UCHL5: variants seen among roughly 807,000 people sequenced by gnomAD.
UCHL5 encodes the protein ubiquitin carboxyl-terminal hydrolase isozyme L5.
In UCHL5, 34 loss-of-function variants were observed where a neutral mutation model predicts 53.8. That is an observed-to-expected ratio of 0.63 (90% confidence interval 0.48 to 0.84). The LOEUF (loss-of-function observed/expected upper bound fraction) is 0.84, where lower values mean the gene tolerates loss of function less well. Ranked by LOEUF, UCHL5 falls within the 40% of genes least tolerant of loss-of-function variation. The probability of loss-of-function intolerance (pLI) is 0.00; values close to 1 mark genes in which losing one functional copy is unlikely to be tolerated. For synonymous variants in UCHL5, 111 were observed against 126.3 expected, an observed-to-expected ratio of 0.88 and a Z score of 0.81; for missense variants, 290 against 385.6, an observed-to-expected ratio of 0.75 and a Z score of 2.08.
chr1:193,020,188 T>C lies in UCHL5; in HGVS notation c.942+909A>G, dbSNP rs144558488. 1.4e-3 allele frequency: 1,919 copies of C among 1,370,264 alleles called. 4 individuals carry two copies. Among genetic ancestry groups the C allele is most frequent in the Non-Finnish European group, 1.6e-3 (1,710 of 1,054,192 alleles). The allele number at this position is 1,370,264 out of a possible 1,614,324, so 84.9% of individuals were successfully genotyped here. A position where few individuals can be genotyped will look rare whatever the true frequency, so the allele number is the denominator to read the frequency against. ...ACATGTTTCAATCAATAAGGTAATA[T>C]ACACAAAAAACTTATTAGCTCACAT... On this transcript the variant is annotated intron_variant, in intron 10 of 10. Transcript: ENST00000367454.
intron 9 of UCHL5, among the ~76,000 whole-genome samples, chr1:193,022,306 G>C (rs2102325010): frequency 6.6e-6 from 1 of 152,090 alleles, no homozygotes; most frequent in East Asian, 1.9e-4. Context: ...TGACACTGTG[G>C]GGAGCAACAA....
chr1:193,027,653 C>T (rs1659803933), intron 7 of UCHL5, among the ~76,000 whole-genome samples: 1 of 151,980 alleles, frequency 6.6e-6, no homozygotes, highest in South Asian at 2.1e-4. Flanking sequence ...CCACTGCACT[C>T]CAGCCTGGGC....
chr1:193,033,532 A>T (rs1195978033), intron 3 of UCHL5, among the ~76,000 whole-genome samples: 3 of 151,954 alleles, frequency 2.0e-5, no homozygotes, highest in African/African-American at 7.2e-5. Context: ...ATATATATAT[A>T]TTAAGTTAAA....
intron 3 of UCHL5, among the ~76,000 whole-genome samples, chr1:193,044,866 T>C (rs1443759434): frequency 3.3e-5 from 5 of 152,180 alleles, no homozygotes; most frequent in South Asian, 2.1e-4. Flanking sequence ...TGGGGAATTA[T>C]TGACCTGTCA....
rs762461951 is a variant in UCHL5, at chr1:193,016,410, T to C, written c.943-15A>G. The C allele has an allele frequency of 1.2e-5, 20 of 1,601,296 alleles. No homozygotes were observed. The African/African-American group carries it at 2.3e-4, about 18-fold the overall frequency. ...TTTTCTTTTGCCTAAAAATTAAAAA[T>C]AGTATGTTACAAAATTTTAAAAGTC... is the stretch of plus-strand genomic sequence containing the variant. On this transcript the variant is annotated splice_polypyrimidine_tract_variant and intron_variant, in intron 10 of 10. Transcript: ENST00000367454.
chr1:193,028,037 T>A (rs200553381), intron 7 of UCHL5, 48 bp downstream of exon 7: 122 of 1,583,376 alleles, frequency 7.7e-5, no homozygotes, highest in Non-Finnish European at 1.0e-4. Context: ...GTTTAAAAAA[T>A]ACTTAAAAAA....
intron 3 of UCHL5, among the ~76,000 whole-genome samples, chr1:193,048,706 TGAA>T (rs1436893024): frequency 6.6e-6 from 1 of 152,162 alleles, no homozygotes; most frequent in Non-Finnish European, 1.5e-5. Flanking sequence ...ACAGACTGAA[TGAA>T]GAAGCAGATA....
At chr1:193,043,175 A>AAC in intron 3 of UCHL5, among the ~76,000 whole-genome samples, 3 of 147,918 alleles carry the variant, frequency 2.0e-5, no homozygotes, top group African/African-American at 7.5e-5. Flanking sequence ...AAAAAAAAAA[A>AAC]ACCACCTATT....
chr1:193,059,846 T>TCCTC, upstream of UCHL5: 1 of 1,362,228 alleles, frequency 7.3e-7, no homozygotes, highest in South Asian at 1.1e-5. This position sits in a 1 kb window ranked among gnomAD's most constrained non-coding sequence, Gnocchi z 4.9. Context: ...TTCTGACCAG[T>TCCTC]CCTCCATGTC....
Position 193,059,283 on chromosome 1 carries a change from G to GAT in UCHL5, c.-25_-24dup. 6.2e-7 allele frequency: 1 copy of GAT among 1,613,344 alleles called. No individual in the cohort carries two copies. On this transcript the variant is annotated 5_prime_UTR_variant, in exon 1 of 11. Coordinates refer to ENST00000367454, the MANE Select transcript of UCHL5 (RefSeq NM_001199261.3). This position sits in a 1 kb window ranked among gnomAD's most constrained non-coding sequence, Gnocchi z 4.9. Reference sequence around the variant, plus strand: ...CATGGCCCTGGCCACACACCGCCCCGATCCACCTCTCGCTCTCAGCTGCCC... The same window carrying GAT: ...CATGGCCCTGGCCACACACCGCCCCGATATCCACCTCTCGCTCTCAGCTGCCC...
chr1:193,023,951 A>G lies in UCHL5; in HGVS notation c.630-5T>C. ...CGAATTTCACCTTCACTGTACCTAGAAGAAAATTATTTAAGTTTATAATGT... is the reference window on the plus strand; with the variant it reads ...CGAATTTCACCTTCACTGTACCTAGGAGAAAATTATTTAAGTTTATAATGT... On this transcript the variant is annotated splice_region_variant and splice_polypyrimidine_tract_variant and intron_variant, in intron 7 of 10. Transcript: ENST00000367454. The G allele has an allele frequency of 6.4e-7, 1 of 1,573,784 alleles. No homozygotes were observed. The highest frequency in any genetic ancestry group is 8.7e-7 in the Non-Finnish European group (1 of 1,150,882).
chr1:193,025,225 A>G (rs1348338018), intron 7 of UCHL5, among the ~76,000 whole-genome samples: 1 of 152,244 alleles, frequency 6.6e-6, no homozygotes, highest in Non-Finnish European at 1.5e-5. Context: ...ACTTTTAGAC[A>G]ATAATCATTC....
chr1:193,045,854 AT>A (rs761736917), intron 3 of UCHL5, among the ~76,000 whole-genome samples: 18 of 152,248 alleles, frequency 1.2e-4, no homozygotes, highest in Non-Finnish European at 2.4e-4. Flanking sequence ...CATTGAAAAA[AT>A]AAAAACATTT....
chr1:193,025,733 A>C (rs1299084253), intron 7 of UCHL5, among the ~76,000 whole-genome samples: 15 of 152,216 alleles, frequency 9.9e-5, no homozygotes, highest in Admixed American at 9.8e-4. Flanking sequence ...ATGTCCATAA[A>C]AACCAGCTCA....
At chr1:193,018,617 A>C (rs1215646242) in intron 10 of UCHL5, 3 of 1,250,120 alleles carry the variant, frequency 2.4e-6, no homozygotes, top group Non-Finnish European at 3.0e-6. Context: ...AGGGAGAATC[A>C]CTTTTTATTT....
In UCHL5 at chr1:193,016,147, A is replaced by T. The variant is rs1477146160; in HGVS notation, c.*204T>A. 1 of 499,998 alleles carries T rather than the reference A, an allele frequency of 2.0e-6. No homozygotes were observed. Among genetic ancestry groups the T allele is most frequent in the Admixed American group, 3.7e-5 (1 of 27,046 alleles). The allele number at this position is 499,998 out of a possible 1,614,324, so 31.0% of individuals were successfully genotyped here. A position where few individuals can be genotyped will look rare whatever the true frequency, so the allele number is the denominator to read the frequency against. ...TGGAATTTGGGAAAGCATTCTTAAT[A>T]TCACTTTCATTTAATATGCACTACA... is the stretch of plus-strand genomic sequence containing the variant. On this transcript the variant is annotated 3_prime_UTR_variant, in exon 11 of 11. Coordinates refer to ENST00000367454, the MANE Select transcript of UCHL5 (RefSeq NM_001199261.3).
At position 193,029,189 on chromosome 1, in the gene UCHL5, C is replaced by T. The variant is rs145504267; in HGVS notation, c.555G>A (p.Pro185=). 235 of 1,612,066 alleles carry T rather than the reference C, an allele frequency of 1.5e-4. 1 individual carries two copies. The highest frequency in any genetic ancestry group is 1.9e-4 in the Non-Finnish European group (223 of 1,179,376). The change falls in exon 6 of 11, where the codon CCG becomes CCA. Residue 185 remains proline (P), a synonymous_variant. Coordinates refer to ENST00000367454, the MANE Select transcript of UCHL5 (RefSeq NM_001199261.3). The stretch of plus-strand genomic sequence containing the variant: ...CAGGAACTGCATTACCTAAATCAAT[C>T]GGTCCTTCTCTTAATCCATCTAATT... The part of the protein sequence containing the change: ...LYELDGLREG[P]IDLGACNQDD...
intron 3 of UCHL5, among the ~76,000 whole-genome samples, chr1:193,031,372 A>C (rs1209474100): frequency 6.6e-6 from 1 of 152,172 alleles, no homozygotes; most frequent in Admixed American, 6.5e-5. Flanking sequence ...AGATTATCAA[A>C]CATTTCTATA....
At chr1:193,051,686 T>C (rs1364499353) in intron 2 of UCHL5, 68 bp downstream of exon 2, 12 of 970,528 alleles carry the variant, frequency 1.2e-5, no homozygotes, top group Non-Finnish European at 9.0e-6. Context: ...AACAAACAAA[T>C]CTGAATATCC....
Sources: gnomAD v4.1 joint callset for allele counts (sites outside exome capture counted in the v4.1 genomes callset) on GRCh38, gnomAD v4.1.1 for gene constraint, Gnocchi (gnomAD v3.1) non-coding constraint, MANE v1.5 for transcripts, NCBI Gene and HGNC (gene_info 2026-07-23, HGNC 2026-07-21) for gene names.